CDH12: variants seen among roughly 807,000 people sequenced by gnomAD.
CDH12 encodes the protein cadherin 12.
Under a neutral mutation model 74.1 loss-of-function variants are expected in CDH12, and 41 were observed. That is an observed-to-expected ratio of 0.55 (90% CI 0.43 to 0.72). The LOEUF (loss-of-function observed/expected upper bound fraction) is 0.72, where lower values mean the gene tolerates loss of function less well. Among genes scored for constraint, CDH12 ranks in the 30% least tolerant of loss-of-function variants. CDH12 has a pLI of 0.00. For synonymous variants in CDH12, 399 were observed against 355.0 expected (o/e 1.12, Z -1.39); for missense variants, 945 against 977.2 (o/e 0.97, Z 0.44).
At chr5:22,708,651 G>T (rs558173713) in intron 1 of CDH12, among the ~76,000 whole-genome samples, 1 of 152,102 alleles carries the variant, frequency 6.6e-6, no homozygotes, top group African/African-American at 2.4e-5. Flanking sequence ...GTGGGTGTGC[G>T]GCTGGAGTTA....
intron 3 of CDH12, among the ~76,000 whole-genome samples, chr5:22,304,255 C>A (rs142946880): frequency 3.0e-4 from 45 of 152,206 alleles, no homozygotes; most frequent in African/African-American, 1.1e-3. Flanking sequence ...GCATGGTCAC[C>A]TTGGCTACAG....
intron 1 of CDH12, among the ~76,000 whole-genome samples, chr5:22,828,037 A>G (rs145943927): frequency 5.8e-4 from 88 of 152,318 alleles, no homozygotes; most frequent in Middle Eastern, 3.4e-3. Flanking sequence ...AGAAAGTCCT[A>G]TAATCTGGAG....
chr5:21,848,182 G>T (rs969217286), intron 7 of CDH12, among the ~76,000 whole-genome samples: 2 of 152,010 alleles, frequency 1.3e-5, no homozygotes, highest in African/African-American at 4.8e-5. Context: ...TTACCTAGGG[G>T]TATTATAGCT....
chr5:22,138,122 T>C (rs1383000380), intron 4 of CDH12, among the ~76,000 whole-genome samples: 1 of 152,076 alleles, frequency 6.6e-6, no homozygotes, highest in Non-Finnish European at 1.5e-5. Flanking sequence ...GTAACTTTTA[T>C]TTGTTATTTA....
At chr5:22,472,071 T>C (rs1424808657) in intron 2 of CDH12, among the ~76,000 whole-genome samples, 1 of 152,150 alleles carries the variant, frequency 6.6e-6, no homozygotes, top group Non-Finnish European at 1.5e-5. Flanking sequence ...AGATTCTTAC[T>C]GAAGCAGGTG....
At chr5:22,538,811 T>C (rs1487740764) in intron 1 of CDH12, among the ~76,000 whole-genome samples, 5 of 152,242 alleles carry the variant, frequency 3.3e-5, no homozygotes, top group Admixed American at 2.6e-4. Flanking sequence ...TTGGTCAAGG[T>C]ACACTGCTAA....
chr5:22,777,843 T>G (rs2126335401), intron 1 of CDH12, among the ~76,000 whole-genome samples: 1 of 152,310 alleles, frequency 6.6e-6, no homozygotes, highest in Non-Finnish European at 1.5e-5. Context: ...AGATGGAGTC[T>G]CGCTCTATCA....
intron 1 of CDH12, among the ~76,000 whole-genome samples, chr5:22,617,829 AAG>A (rs1321964155): frequency 2.0e-5 from 3 of 152,152 alleles, no homozygotes; most frequent in African/African-American, 7.2e-5. Context: ...GAGTTTTCTA[AAG>A]ACTTCTGCTG....
At chr5:22,845,413 T>C (rs1214133705) in intron 1 of CDH12, among the ~76,000 whole-genome samples, 1 of 152,166 alleles carries the variant, frequency 6.6e-6, no homozygotes, top group Non-Finnish European at 1.5e-5. Flanking sequence ...TCAAACTCCT[T>C]TAATAGGCAT....
At chr5:21,964,131 G>A (rs1488734569) in intron 6 of CDH12, among the ~76,000 whole-genome samples, 1 of 151,830 alleles carries the variant, frequency 6.6e-6, no homozygotes, top group Non-Finnish European at 1.5e-5. Context: ...CCCTTCTTAG[G>A]TGACTTATTA....
At chr5:21,939,536 A>G (rs1755237282) in intron 6 of CDH12, among the ~76,000 whole-genome samples, 1 of 152,040 alleles carries the variant, frequency 6.6e-6, no homozygotes, top group Non-Finnish European at 1.5e-5. Context: ...TTCCTATTAA[A>G]AGAAAAAGCA....
intron 13 of CDH12, among the ~76,000 whole-genome samples, chr5:21,757,700 TA>T (rs1744479974): frequency 6.6e-6 from 1 of 152,180 alleles, no homozygotes; most frequent in Admixed American, 6.5e-5. Context: ...TGGTTCCCAT[TA>T]ACATGATTAA....
At chr5:21,843,084 C>G (rs950229675) in intron 7 of CDH12, among the ~76,000 whole-genome samples, 1 of 152,070 alleles carries the variant, frequency 6.6e-6, no homozygotes, top group Non-Finnish European at 1.5e-5. Flanking sequence ...GTTTATATTC[C>G]TATTTATTCA....
intron 1 of CDH12, among the ~76,000 whole-genome samples, chr5:22,686,692 T>A (rs1230102631): frequency 6.6e-6 from 1 of 152,124 alleles, no homozygotes; most frequent in African/African-American, 2.4e-5. Flanking sequence ...AGGATGGGGG[T>A]GATGGATAAA....
At chr5:22,353,154 T>C (rs1236677126) in intron 3 of CDH12, among the ~76,000 whole-genome samples, 1 of 152,224 alleles carries the variant, frequency 6.6e-6, no homozygotes, top group Non-Finnish European at 1.5e-5. Flanking sequence ...CAACAGTGTT[T>C]ATGTATTTAC....
intron 3 of CDH12, among the ~76,000 whole-genome samples, chr5:22,335,712 C>T (rs1315045789): frequency 6.6e-6 from 1 of 152,150 alleles, no homozygotes; most frequent in East Asian, 1.9e-4. Context: ...TGAGGCCTCC[C>T]CAGCCACATG....
chr5:22,031,552 C>T (rs1738828352), intron 5 of CDH12, among the ~76,000 whole-genome samples: 1 of 152,172 alleles, frequency 6.6e-6, no homozygotes, highest in African/African-American at 2.4e-5. Flanking sequence ...ACCTTTCAGC[C>T]TATCTCGCCT....
At chr5:22,471,079 C>A (rs1745939904) in intron 2 of CDH12, among the ~76,000 whole-genome samples, 1 of 139,018 alleles carries the variant, frequency 7.2e-6, no homozygotes, top group South Asian at 2.4e-4. Flanking sequence ...CAACTCTTTT[C>A]TTGTCAAGCT....
At chr5:22,427,833 A>G (rs920508073) in intron 2 of CDH12, among the ~76,000 whole-genome samples, 6 of 152,184 alleles carry the variant, frequency 3.9e-5, no homozygotes, top group African/African-American at 1.4e-4. Flanking sequence ...GCTGTATAGG[A>G]CACATCTGCT....
Sources: allele counts gnomAD v4.1 joint callset (sites outside exome capture counted in the v4.1 genomes callset), GRCh38; gene constraint gnomAD v4.1.1; transcripts MANE v1.5; gene names NCBI Gene and HGNC (gene_info 2026-07-23, HGNC 2026-07-21).